IFT88: variants seen among roughly 807,000 people sequenced by gnomAD.
IFT88 encodes intraflagellar transport 88.
A neutral mutation model predicts 119.5 loss-of-function variants in IFT88; 74 were observed. That is an observed-to-expected ratio of 0.62 (90% CI 0.51 to 0.75). The LOEUF is 0.75. IFT88 is among the 30% of genes least tolerant of loss of function. The pLI is 0.00. For missense variants in IFT88, 961 were observed against 977.7 expected, an observed-to-expected ratio of 0.98 and a Z score of 0.23; for synonymous variants, 279 against 316.7, an observed-to-expected ratio of 0.88 and a Z score of 1.26.
At chr13:20,581,358 C>A (rs2038612827) in intron 2 of IFT88, among the ~76,000 whole-genome samples, 1 of 152,064 alleles carries the variant, frequency 6.6e-6, no homozygotes, top group Admixed American at 6.5e-5. Flanking sequence ...TTTAGTTTGT[C>A]ATTTAGTTAG....
rs566170637 is a variant in IFT88 at position 20,574,817 on chromosome 13, T to C, written c.90+342T>C. 5.3e-5 allele frequency among the ~76,000 whole-genome samples: 8 copies of C among 152,334 alleles called. No homozygotes were observed. The South Asian group carries it at 1.7e-3, about 32-fold the overall frequency. On this transcript the variant is annotated intron_variant, in intron 2 of 25. Coordinates refer to ENST00000351808, the MANE Select transcript of IFT88 (RefSeq NM_006531.5). ...TTTAAAGTTGAAATGTCTTGTTTTT[T>C]GGTTTTAATTTTTGTGAGTACATAG...
chr13:20,654,876 A>G (rs1220833081), intron 21 of IFT88, among the ~76,000 whole-genome samples: 2 of 152,310 alleles, frequency 1.3e-5, no homozygotes, highest in African/African-American at 4.8e-5. Context: ...ACTATTCTAA[A>G]TGATTTAAAG....
At chr13:20,680,549 C>T (rs530579578) in intron 24 of IFT88, among the ~76,000 whole-genome samples, 37 of 152,328 alleles carry the variant, frequency 2.4e-4, no homozygotes, top group African/African-American at 8.9e-4. Context: ...CATTAGATTA[C>T]TCATTGTAAC....
intron 24 of IFT88, among the ~76,000 whole-genome samples, chr13:20,672,357 GA>G (rs1260946738): frequency 2.6e-5 from 4 of 152,168 alleles, no homozygotes; most frequent in African/African-American, 7.2e-5. Flanking sequence ...CAGAGCTGGA[GA>G]AATCAGTAAA....
At chr13:20,634,228 A>G (rs1201261921) in intron 16 of IFT88, among the ~76,000 whole-genome samples, 1 of 152,182 alleles carries the variant, frequency 6.6e-6, no homozygotes, top group Non-Finnish European at 1.5e-5. Context: ...CATGAGAGAG[A>G]ATCATACCTG....
At chr13:20,632,337 C>T (rs528680512) in intron 16 of IFT88, among the ~76,000 whole-genome samples, 14 of 152,154 alleles carry the variant, frequency 9.2e-5, no homozygotes, top group South Asian at 2.1e-4. Context: ...TAAGAGCTTT[C>T]CTTAGGAATA....
intron 24 of IFT88, among the ~76,000 whole-genome samples, chr13:20,672,972 C>G (rs192978196): frequency 6.0e-4 from 91 of 152,240 alleles, no homozygotes; most frequent in African/African-American, 2.1e-3. Flanking sequence ...TAGACAGCTC[C>G]CCAGACCAGC....
At chr13:20,639,090 A>G (rs1296010992) in intron 17 of IFT88, among the ~76,000 whole-genome samples, 1 of 152,156 alleles carries the variant, frequency 6.6e-6, no homozygotes, top group Non-Finnish European at 1.5e-5. Flanking sequence ...ACCCCTGGGC[A>G]TGAATTTTCA....
chr13:20,596,942 T>C (rs1593985925), intron 8 of IFT88, 73 bp from the exon 9 acceptor site: 2 of 766,184 alleles, frequency 2.6e-6, no homozygotes, highest in South Asian at 3.9e-5. Flanking sequence ...CCAACCTTCA[T>C]GTAGATATTT....
intron 17 of IFT88, among the ~76,000 whole-genome samples, chr13:20,639,198 T>G (rs2140253053): frequency 6.6e-6 from 1 of 152,376 alleles, no homozygotes; most frequent in South Asian, 2.1e-4. Context: ...AGGTATTTTT[T>G]GCTTTCTTTG....
intron 22 of IFT88, 72 bp from the exon 23 acceptor site, chr13:20,663,426 C>G (rs993327630): frequency 1.3e-6 from 2 of 1,578,506 alleles, no homozygotes; most frequent in African/African-American, 2.7e-5. Flanking sequence ...AGACTGAGTT[C>G]ACTGATTTAT....
intron 22 of IFT88, among the ~76,000 whole-genome samples, chr13:20,656,836 C>G (rs947293275): frequency 7.2e-5 from 11 of 152,136 alleles, no homozygotes; most frequent in Admixed American, 2.6e-4. Flanking sequence ...AAAAACTGAA[C>G]ATTAATAATC....
rs138869172 is a variant in IFT88 at position 20,616,203 on chromosome 13, G to A, written c.1199+324G>A. 9.9e-5 allele frequency among the ~76,000 whole-genome samples: 15 copies of A among 152,280 alleles called. No individual in the cohort carries two copies. In the East Asian group the frequency reaches 2.9e-3, roughly 29 times the overall value. The stretch of plus-strand genomic sequence containing the variant: ...ACGTTGTAGCTGTCTCGAAATTGTA[G>A]CATGATGCATTATTCACTTGTTTGT... On this transcript the variant is annotated intron_variant, in intron 14 of 25. Coordinates refer to ENST00000351808, the MANE Select transcript of IFT88 (RefSeq NM_006531.5).
chr13:20,677,029 G>A (rs2056758640), intron 24 of IFT88, among the ~76,000 whole-genome samples: 1 of 151,936 alleles, frequency 6.6e-6, no homozygotes, highest in Admixed American at 6.6e-5. Context: ...ACGTTTTCTA[G>A]CCATAATAAG....
chr13:20,599,113 G>A (rs753899932), intron 10 of IFT88, among the ~76,000 whole-genome samples: 4 of 151,808 alleles, frequency 2.6e-5, no homozygotes, highest in Non-Finnish European at 4.4e-5. Context: ...TCAGAATGTC[G>A]TTTCCTTTAA....
chr13:20,621,915 C>G (rs1446723969), intron 14 of IFT88, among the ~76,000 whole-genome samples: 1 of 152,182 alleles, frequency 6.6e-6, no homozygotes, highest in Non-Finnish European at 1.5e-5. Flanking sequence ...CTCCCAAACC[C>G]TTAGCAACCA....
intron 1 of IFT88, among the ~76,000 whole-genome samples, chr13:20,570,514 A>G (rs1231584458): frequency 1.3e-5 from 2 of 152,250 alleles, no homozygotes; most frequent in Non-Finnish European, 2.9e-5. Flanking sequence ...AATGTTGCAG[A>G]TGTATTTAGC....
At chr13:20,599,858 A>G (rs902775654) in intron 11 of IFT88, among the ~76,000 whole-genome samples, 1 of 152,228 alleles carries the variant, frequency 6.6e-6, no homozygotes, top group Non-Finnish European at 1.5e-5. Flanking sequence ...ACACAAAATC[A>G]TAATAGCAGT....
chr13:20,596,892 G>A, intron 8 of IFT88, 123 bp from the exon 9 acceptor site: 1 of 562,036 alleles, frequency 1.8e-6, no homozygotes, highest in African/African-American at 2.0e-5. Context: ...AGAGCACACA[G>A]GGGTGTCTTG....
Sources: gnomAD v4.1 joint callset for allele counts (sites outside exome capture counted in the v4.1 genomes callset) on GRCh38, gnomAD v4.1.1 for gene constraint, MANE v1.5 for transcripts, NCBI Gene and HGNC (gene_info 2026-07-23, HGNC 2026-07-21) for gene names.